Variants in MTRR observed in about 807,000 individuals in gnomAD.
The protein encoded by MTRR is 5-methyltetrahydrofolate-homocysteine methyltransferase reductase.
In MTRR, 63 loss-of-function variants were observed where a neutral mutation model predicts 79.2. The observed-to-expected ratio is 0.80, with a 90% CI of 0.65 to 0.98. MTRR has a LOEUF of 0.98. Among genes scored for constraint, MTRR ranks in the 50% least tolerant of loss-of-function variants. The pLI is 0.00. For missense variants in MTRR, 895 were observed against 839.6 expected, an observed-to-expected ratio of 1.07 and a Z score of -0.82; for synonymous variants, 355 against 313.3, an observed-to-expected ratio of 1.13 and a Z score of -1.41.
At chr5:7,881,396 A>G (rs956038724) in intron 5 of MTRR, among the ~76,000 whole-genome samples, 5 of 152,004 alleles carry the variant, frequency 3.3e-5, no homozygotes, top group Non-Finnish European at 5.9e-5. Flanking sequence ...GGGTACAGGC[A>G]TGTGCTGTGG....
At chr5:7,866,972 A>G, upstream of MTRR, 6 of 1,614,192 alleles carry the variant, frequency 3.7e-6, no homozygotes, top group Admixed American at 1.7e-5. Context: ...GACCCTGCAG[A>G]CAACTTCAGG....
At chr5:7,866,540 A>G (rs555040423), upstream of MTRR, 7 of 823,508 alleles carry the variant, frequency 8.5e-6, no homozygotes, top group South Asian at 1.7e-5. Flanking sequence ...TCGGATCACT[A>G]TGGAAGAAAA....
Position 7,878,186 on chromosome 5 carries a change from A to G in MTRR, c.644A>G (p.Asn215Ser). The change falls in exon 5 of 15, where the codon AAC becomes AGC. Residue 215 changes from asparagine (N) to serine (S), a missense_variant. Coordinates refer to ENST00000440940, the MANE Select transcript of MTRR (RefSeq NM_002454.3). Reference protein sequence around the residue: ...EVLKQNAVNSNQSNVVIEDFE... With the variant: ...EVLKQNAVNSSQSNVVIEDFE... Reference sequence around the variant, plus strand: ...TTGAAGCAAAATGCAGTGAACAGCAACCAATCCAATGTTGTAATTGAAGAC... The same window carrying G: ...TTGAAGCAAAATGCAGTGAACAGCAGCCAATCCAATGTTGTAATTGAAGAC... 1 of 1,614,158 alleles carries G rather than the reference A, an allele frequency of 6.2e-7. No individual in the cohort carries two copies. Among genetic ancestry groups the G allele is most frequent in the Non-Finnish European group, 8.5e-7 (1 of 1,180,036 alleles).
At chr5:7,868,122 T>A, upstream of MTRR, 1 of 1,392,688 alleles carries the variant, frequency 7.2e-7, no homozygotes, top group Non-Finnish European at 9.8e-7. Flanking sequence ...ATTAAAAAAT[T>A]TAAAAACACA....
In MTRR at chr5:7,875,320, C is replaced by G; in HGVS notation, c.346C>G (p.Gln116Glu). The change falls in exon 4 of 15, where the codon CAA becomes GAA. Residue 116 changes from glutamine to glutamate, a missense_variant. Physicochemically the swap from Gln to Glu is conservative, Grantham distance 29. Coordinates refer to ENST00000440940, the MANE Select transcript of MTRR (RefSeq NM_002454.3). The part of the protein sequence containing the change: ...NGGKIIDKRL[Q>E]ELGARHFYDT... ...GGGGAAGATAATTGATAAACGACTTCAAGAGCTTGGAGCCCGGCATTTCTA... is the reference window on the plus strand; with the variant it reads ...GGGGAAGATAATTGATAAACGACTTGAAGAGCTTGGAGCCCGGCATTTCTA... 6.2e-7 allele frequency: 1 copy of G among 1,614,018 alleles called. No individual in the cohort carries two copies. The highest frequency in any genetic ancestry group is 8.5e-7 in the Non-Finnish European group (1 of 1,179,978).
At chr5:7,886,772 C>T (rs1330444993) in intron 8 of MTRR, 69 bp downstream of exon 8, 48 of 1,281,342 alleles carry the variant, frequency 3.7e-5, no homozygotes, top group Non-Finnish European at 5.2e-5. Context: ...ATTGATTAAA[C>T]AAATTTAGAA....
At position 7,900,244 on chromosome 5, in the gene MTRR, C is replaced by A; in HGVS notation, c.*186C>A. The A allele has an allele frequency of 1.5e-6, 1 of 667,170 alleles. No individual in the cohort carries two copies. Among genetic ancestry groups the A allele is most frequent in the Non-Finnish European group, 2.5e-6 (1 of 407,614 alleles). 41.3% of individuals were successfully genotyped at this position (667,170 alleles called of 1,614,324 possible). ...TTCCTGATTTGATTTTACGTATCTT[C>A]TATCTACGCCCTTCCTGTGCCTGTG... On this transcript the variant is annotated 3_prime_UTR_variant, in exon 15 of 15. Coordinates refer to ENST00000440940, the MANE Select transcript of MTRR (RefSeq NM_002454.3).
chr5:7,900,191 A>T lies in MTRR; in HGVS notation c.*133A>T, dbSNP rs2126830665. The T allele has an allele frequency of 2.0e-6, 2 of 990,356 alleles. No homozygotes were observed. The highest frequency in any genetic ancestry group is 3.2e-5 in the South Asian group (2 of 63,234). The allele number at this position is 990,356 out of a possible 1,614,324, so 61.3% of individuals were successfully genotyped here. A position where few individuals can be genotyped will look rare whatever the true frequency, so the allele number is the denominator to read the frequency against. ...ATTTCTTGAAGGACATGGAGTGGAG[A>T]TTGGATCATTTAACAATATAACAAA... On this transcript the variant is annotated 3_prime_UTR_variant, in exon 15 of 15. Transcript: ENST00000440940.
At chr5:7,897,832 T>C (rs1231552422) in intron 14 of MTRR, among the ~76,000 whole-genome samples, 1 of 152,204 alleles carries the variant, frequency 6.6e-6, no homozygotes, top group Non-Finnish European at 1.5e-5. Context: ...AAATTTCTGC[T>C]AGTTAAAAAG....
chr5:7,871,013 C>A, intron 2 of MTRR, 90 bp downstream of exon 2: 1 of 1,405,498 alleles, frequency 7.1e-7, no homozygotes. Flanking sequence ...GACACTAATA[C>A]CACCACATAG....
chr5:7,867,508 A>G, upstream of MTRR: 5 of 1,614,278 alleles, frequency 3.1e-6, no homozygotes, highest in Non-Finnish European at 4.2e-6. Flanking sequence ...GGCTACTTTG[A>G]GGATCCACAT....
rs1406102673 is a variant in MTRR at position 7,897,122 on chromosome 5, C to T, written c.1827C>T (p.Phe609=). ...TCTTAACTCATCTAAAGGTTTCCTT[C>T]TCAAGAGATGCTCCTGTTGGGGAGG... ...HGILTHLKVS[F]SRDAPVGEEE... The change falls in exon 14 of 15, where the codon TTC becomes TTT. Residue 609 remains phenylalanine, a synonymous_variant. Transcript: ENST00000440940. The T allele has an allele frequency of 6.2e-7, 1 of 1,614,158 alleles. No homozygotes were observed. The highest frequency in any genetic ancestry group is 1.3e-5 in the African/African-American group (1 of 75,028).
At chr5:7,869,004 G>C (rs1050528981), upstream of MTRR, 3 of 1,052,812 alleles carry the variant, frequency 2.8e-6, no homozygotes, top group Admixed American at 3.4e-5. Flanking sequence ...AATCACTCCG[G>C]GTGGTCGCGG....
chr5:7,891,632 CTA>C lies in MTRR; in HGVS notation c.1370+220_1370+221del, dbSNP rs1360016739. On this transcript the variant is annotated intron_variant, in intron 10 of 14. Coordinates refer to ENST00000440940, the MANE Select transcript of MTRR (RefSeq NM_002454.3). Reference sequence around the variant, plus strand: ...TTGGGTGGCTTCCCATGGCCCAGTACTATGTTTCCCCACTTAGGAGTCTCAGG... The same window carrying C: ...TTGGGTGGCTTCCCATGGCCCAGTACTGTTTCCCCACTTAGGAGTCTCAGG... 2.0e-5 allele frequency among the ~76,000 whole-genome samples: 3 copies of C among 152,292 alleles called. No individual in the cohort carries two copies. In the East Asian group the frequency reaches 5.8e-4, roughly 29 times the overall value.
At chr5:7,859,288 C>G (rs1363634134) in intron 1 of MTRR, 3 of 447,626 alleles carry the variant, frequency 6.7e-6, no homozygotes, top group Non-Finnish European at 1.2e-5. Flanking sequence ...TAAATGTATA[C>G]ATAGTATAAG....
At chr5:7,870,497 A>G in intron 1 of MTRR, 2 of 415,294 alleles carry the variant, frequency 4.8e-6, no homozygotes, top group East Asian at 1.1e-4. Flanking sequence ...ACAGGGTTGC[A>G]CTTAGGAAAC....
intron 12 of MTRR, 123 bp downstream of exon 12, chr5:7,895,975 C>G: frequency 2.4e-6 from 3 of 1,236,680 alleles, no homozygotes; most frequent in Non-Finnish European, 3.4e-6. Flanking sequence ...ATTCAATGTG[C>G]GATAACATAA....
rs557878853 is a variant in MTRR, at chr5:7,889,377, T to G, written c.1327+102T>G. On this transcript the variant is annotated intron_variant, in intron 9 of 14. Transcript: ENST00000440940. ...AATTTGCTGCTCTTGTCTTACCCTTTGTATCCTATGCCTAAAGAATATATC... is the reference window on the plus strand; with the variant it reads ...AATTTGCTGCTCTTGTCTTACCCTTGGTATCCTATGCCTAAAGAATATATC... 4.9e-5 allele frequency: 59 copies of G among 1,207,052 alleles called. No individual in the cohort carries two copies. In the East Asian group the frequency reaches 1.3e-3, roughly 28 times the overall value. The allele number at this position is 1,207,052 out of a possible 1,614,324, so 74.8% of individuals were successfully genotyped here.
intron 1 of MTRR, chr5:7,870,453 G>T (rs1747757195): frequency 1.4e-5 from 5 of 362,844 alleles, no homozygotes; most frequent in Non-Finnish European, 2.6e-5. Context: ...TAGGATAAAG[G>T]AGCTGTGGTA....
Sources: allele counts gnomAD v4.1 joint callset (sites outside exome capture counted in the v4.1 genomes callset), GRCh38; gene constraint gnomAD v4.1.1; transcripts MANE v1.5; gene names NCBI Gene and HGNC (gene_info 2026-07-23, HGNC 2026-07-21).